PNO1: variants seen among roughly 807,000 people sequenced by gnomAD.
PNO1 encodes the protein partner of NOB1 homolog.
Under a neutral mutation model 28.4 loss-of-function variants are expected in PNO1, and 16 were observed. That is an observed-to-expected ratio of 0.56 (90% CI 0.38 to 0.85). PNO1 has a LOEUF of 0.85. PNO1 is among the 40% of genes least tolerant of loss of function. PNO1 has a pLI of 0.00. For missense variants in PNO1, 304 were observed against 312.2 expected, an observed-to-expected ratio of 0.97 and a Z score of 0.20; for synonymous variants, 115 against 110.8, an observed-to-expected ratio of 1.04 and a Z score of -0.24.
chr2:68,173,083 CTTTT>C (rs200879340), intron 5 of PNO1: 29,530 of 111,580 alleles, frequency 0.26, 3,714 homozygotes, highest in South Asian at 0.48. Context: ...TCTACAATGT[CTTTT>C]TTTTTTTTTT....
chr2:68,174,818 T>G lies in PNO1; in HGVS notation c.*16T>G. The G allele has an allele frequency of 6.5e-7, 1 of 1,541,428 alleles. No homozygotes were observed. The highest frequency in any genetic ancestry group is 9.0e-7 in the Non-Finnish European group (1 of 1,115,900). On this transcript the variant is annotated 3_prime_UTR_variant, in exon 7 of 7. Transcript: ENST00000263657. ...TCGATTCTGATTTCAAGTCAGAGAC[T>G]TTTTATCTTGCCTTTGGACTCTGGT...
intron 5 of PNO1, among the ~76,000 whole-genome samples, chr2:68,165,390 A>ACAAC (rs1558620026): frequency 4.9e-5 from 7 of 142,450 alleles, no homozygotes; most frequent in African/African-American, 1.9e-4. Context: ...CAACAAAAAA[A>ACAAC]AAAAAACTAG....
At chr2:68,170,747 CAAAAAAAAAAAA>C (rs767088135) in intron 5 of PNO1, among the ~76,000 whole-genome samples, 3 of 61,098 alleles carry the variant, frequency 4.9e-5, no homozygotes, top group East Asian at 5.2e-4. Flanking sequence ...GACTCCGTCT[CAAAAAAAAAAAA>C]AAAAAAAAAA....
chr2:68,169,761 G>A (rs865880906), intron 5 of PNO1, among the ~76,000 whole-genome samples: 6 of 152,120 alleles, frequency 3.9e-5, no homozygotes, highest in East Asian at 1.9e-4. Flanking sequence ...CATTCATGAC[G>A]TAGCTTTTTC....
At chr2:68,169,538 T>C (rs773057154) in intron 5 of PNO1, among the ~76,000 whole-genome samples, 4 of 152,210 alleles carry the variant, frequency 2.6e-5, no homozygotes, top group Non-Finnish European at 5.9e-5. Context: ...GTGGTGGCTG[T>C]GAAGTTGTCG....
chr2:68,163,668 A>G (rs1673903547), intron 5 of PNO1, among the ~76,000 whole-genome samples: 1 of 152,222 alleles, frequency 6.6e-6, no homozygotes, highest in Non-Finnish European at 1.5e-5. Context: ...AGAAGTATAT[A>G]TCTACTTTAT....
At chr2:68,171,143 C>T (rs1674121782) in intron 5 of PNO1, among the ~76,000 whole-genome samples, 1 of 152,196 alleles carries the variant, frequency 6.6e-6, no homozygotes, top group Non-Finnish European at 1.5e-5. Context: ...CTTTCTTTTG[C>T]AGCATTGTTT....
chr2:68,161,921 G>A (rs1174580055), intron 3 of PNO1, among the ~76,000 whole-genome samples, 155 bp downstream of exon 3: 1 of 151,254 alleles, frequency 6.6e-6, no homozygotes, highest in Non-Finnish European at 1.5e-5. Context: ...GATCACTTGA[G>A]GCCAGGAGTT....
In PNO1 at chr2:68,173,413, C is replaced by G; in HGVS notation, c.687C>G (p.Ile229Met). 6.3e-7 allele frequency: 1 copy of G among 1,582,666 alleles called. No individual in the cohort carries two copies. The highest frequency in any genetic ancestry group is 8.7e-7 in the Non-Finnish European group (1 of 1,151,420). Residue 229 changes from isoleucine (I) to methionine (M), a missense_variant, in exon 6 of 7, where the codon ATC (isoleucine) becomes ATG (methionine). Physicochemically the swap from Ile to Met is conservative, Grantham distance 10 (BLOSUM62 1). Transcript: ENST00000263657. ...CAAGAACTGCCATTTGCAACCTAAT[C>G]TTGGGTAATAGCAGTTTCTTTCTTT... ...KMARTAICNL[I>M]LGNPPSKVYG...
At position 68,165,376 on chromosome 2, in the gene PNO1, A is replaced by AC. The variant is rs1404761712; in HGVS notation, c.620+2713_620+2714insC. On this transcript the variant is annotated intron_variant, in intron 5 of 6. Transcript: ENST00000263657. ...GAGACTCCGTCTCAAAAAAAAAAAA[A>AC]AAACAACAAAAAAAAAAAAACTAGC... Among the ~76,000 whole-genome samples, 770 of 105,174 alleles carry AC rather than the reference A, an allele frequency of 7.3e-3. 6 individuals carry two copies. Among genetic ancestry groups the AC allele is most frequent in the Non-Finnish European group, 0.012 (630 of 52,102 alleles). 69.0% of individuals were successfully genotyped at this position (105,174 alleles called of 152,430 possible). A position where few individuals can be genotyped will look rare whatever the true frequency, so the allele number is the denominator to read the frequency against.
rs138270086 is a variant in PNO1 at position 68,163,977 on chromosome 2, A to G, written c.620+1314A>G. Among the ~76,000 whole-genome samples, 1,033 of 152,286 alleles carry G rather than the reference A, an allele frequency of 6.8e-3. 11 individuals carry two copies. Among genetic ancestry groups the G allele is most frequent in the African/African-American group, 0.024 (988 of 41,556 alleles). On this transcript the variant is annotated intron_variant, in intron 5 of 6. Transcript: ENST00000263657. ...TGAAATAATTTCATTTAATATCTCA[A>G]TTTTGCTCCATACTGAAGGACTCTT... is the stretch of plus-strand genomic sequence containing the variant.
intron 2 of PNO1, among the ~76,000 whole-genome samples, chr2:68,160,918 A>G (rs936342595): frequency 6.6e-6 from 1 of 152,264 alleles, no homozygotes; most frequent in Non-Finnish European, 1.5e-5. Flanking sequence ...GGTCTCTTCA[A>G]CTAGACTGTG....
At chr2:68,171,328 G>A (rs1343811523) in intron 5 of PNO1, among the ~76,000 whole-genome samples, 4 of 152,092 alleles carry the variant, frequency 2.6e-5, no homozygotes, top group East Asian at 1.9e-4. Flanking sequence ...TGCTTTCTGC[G>A]TGCATTCTGG....
chr2:68,174,459 A>C (rs1674219336), intron 6 of PNO1, among the ~76,000 whole-genome samples: 1 of 152,194 alleles, frequency 6.6e-6, no homozygotes, highest in Admixed American at 6.5e-5. Flanking sequence ...AAATAATGGC[A>C]AATTAAAAAT....
intron 5 of PNO1, among the ~76,000 whole-genome samples, chr2:68,165,087 C>T (rs1247460450): frequency 3.3e-5 from 5 of 152,042 alleles, no homozygotes; most frequent in African/African-American, 7.2e-5. Flanking sequence ...ATCCATGGCC[C>T]GGCACGGTGG....
chr2:68,161,805 A>C, intron 3 of PNO1, 39 bp downstream of exon 3: 1 of 1,327,742 alleles, frequency 7.5e-7, no homozygotes, highest in Non-Finnish European at 1.1e-6. Flanking sequence ...GGACTTTAAA[A>C]ATATTCAATG....
intron 4 of PNO1, 110 bp downstream of exon 4, chr2:68,162,435 A>C: frequency 3.0e-6 from 3 of 1,010,188 alleles, no homozygotes; most frequent in Admixed American, 2.1e-5. Context: ...TTATATATAT[A>C]TATATACACT....
chr2:68,161,664 CT>C lies in PNO1; in HGVS notation c.358-13del. The stretch of plus-strand genomic sequence containing the variant: ...TTGATTCTCAACGGTATTTTGTACC[CT>C]TTTTTGTTTTTTAACAGACTTGTAA... On this transcript the variant is annotated intron_variant, in intron 2 of 6. Coordinates refer to ENST00000263657, the MANE Select transcript of PNO1 (RefSeq NM_020143.4). 2.0e-6 allele frequency: 3 copies of C among 1,489,014 alleles called. No homozygotes were observed. Among genetic ancestry groups the C allele is most frequent in the African/African-American group, 1.4e-5 (1 of 72,790 alleles). The allele number at this position is 1,489,014 out of a possible 1,614,324, so 92.2% of individuals were successfully genotyped here. A position where few individuals can be genotyped will look rare whatever the true frequency, so the allele number is the denominator to read the frequency against.
At chr2:68,159,000 A>AT (rs1673756703) in intron 2 of PNO1, among the ~76,000 whole-genome samples, 1 of 152,214 alleles carries the variant, frequency 6.6e-6, no homozygotes, top group African/African-American at 2.4e-5. Context: ...TTGTTTATAT[A>AT]TTTTTTTCAT....
Sources: allele counts gnomAD v4.1 joint callset (sites outside exome capture counted in the v4.1 genomes callset), GRCh38; gene constraint gnomAD v4.1.1; transcripts MANE v1.5; gene names NCBI Gene and HGNC (gene_info 2026-07-23, HGNC 2026-07-21).